The following SHISA9 variants were observed in gnomAD, a reference collection of about 807,000 sequenced individuals.
The protein encoded by SHISA9 is shisa family member 9.
A neutral mutation model predicts 38.0 loss-of-function variants in SHISA9; 13 were observed. The ratio of observed to expected loss-of-function variants is 0.34; its 90% CI spans 0.22 to 0.54. The LOEUF is 0.54. Ranked by LOEUF, SHISA9 falls within the 20% of genes least tolerant of loss-of-function variation. SHISA9 has a pLI of 0.91. For missense variants in SHISA9, 538 were observed against 575.8 expected, an observed-to-expected ratio of 0.93 and a Z score of 0.67; for synonymous variants, 275 against 242.0, an observed-to-expected ratio of 1.14 and a Z score of -1.27.
At chr16:13,370,526 C>A in the SHISA9 span, among the ~76,000 whole-genome samples, 1 of 152,168 alleles carries the variant, frequency 6.6e-6, no homozygotes, top group African/African-American at 2.4e-5. Context: ...CCTGCACCGA[C>A]TTACGAAGGC....
At chr16:13,028,112 C>T (rs2088854) in intron 2 of SHISA9, among the ~76,000 whole-genome samples, 93,335 of 151,504 alleles carry the variant, frequency 0.62, 29,293 homozygotes, top group Middle Eastern at 0.74. Flanking sequence ...TAATGAAAAC[C>T]TTCTATCTCT....
the SHISA9 span, among the ~76,000 whole-genome samples, chr16:13,294,559 C>A: frequency 2.0e-5 from 3 of 152,334 alleles, no homozygotes; most frequent in South Asian, 6.2e-4. Context: ...AATCAAGTCA[C>A]ATGGCCACAT....
chr16:13,111,449 T>C (rs1479424167), intron 2 of SHISA9, among the ~76,000 whole-genome samples: 4 of 152,138 alleles, frequency 2.6e-5, no homozygotes, highest in Non-Finnish European at 5.9e-5. Flanking sequence ...CAGAAGATCA[T>C]TGAATAATTT....
chr16:13,482,801 T>TAAAAA, the SHISA9 span, among the ~76,000 whole-genome samples: 13 of 112,580 alleles, frequency 1.2e-4, no homozygotes, highest in East Asian at 2.9e-3. Context: ...ATCCTGTCAC[T>TAAAAA]AAAAAAAAAA....
chr16:13,062,048 G>C (rs1372420428), intron 2 of SHISA9, among the ~76,000 whole-genome samples: 1 of 152,286 alleles, frequency 6.6e-6, no homozygotes, highest in African/African-American at 2.4e-5. Context: ...TTCCAGCTCC[G>C]ATTATTTTTA....
intron 2 of SHISA9, among the ~76,000 whole-genome samples, chr16:13,000,611 G>A (rs1437609841): frequency 6.6e-6 from 1 of 152,166 alleles, no homozygotes; most frequent in Non-Finnish European, 1.5e-5. Context: ...TGTAGCAGGA[G>A]CATCCACATC....
At chr16:13,232,468 T>C (rs1184143986) in intron 4 of SHISA9, among the ~76,000 whole-genome samples, 1 of 152,120 alleles carries the variant, frequency 6.6e-6, no homozygotes, top group Non-Finnish European at 1.5e-5. Flanking sequence ...AAAGAAAGTG[T>C]TGATGAAAAA....
chr16:13,071,314 G>C (rs2073511451), intron 2 of SHISA9, among the ~76,000 whole-genome samples: 1 of 152,296 alleles, frequency 6.6e-6, no homozygotes, highest in African/African-American at 2.4e-5. Flanking sequence ...TAGCAGGGTG[G>C]TTTTGAGCAC....
At chr16:13,342,939 A>G in the SHISA9 span, among the ~76,000 whole-genome samples, 2 of 152,206 alleles carry the variant, frequency 1.3e-5, no homozygotes, top group Non-Finnish European at 2.9e-5. Context: ...ACGTTTTCCT[A>G]TTGAAATTGC....
the SHISA9 span, among the ~76,000 whole-genome samples, chr16:13,457,320 A>G: frequency 6.6e-6 from 1 of 151,562 alleles, no homozygotes; most frequent in African/African-American, 2.4e-5. Context: ...CAAACAAACA[A>G]ACAGCTTTTG....
At chr16:13,229,168 T>C (rs142403128) in intron 4 of SHISA9, among the ~76,000 whole-genome samples, 2 of 152,106 alleles carry the variant, frequency 1.3e-5, no homozygotes, top group African/African-American at 4.8e-5. Flanking sequence ...TCAAAAAAAA[T>C]TTGACTGAGT....
At chr16:13,152,250 A>C (rs1022917533) in intron 2 of SHISA9, among the ~76,000 whole-genome samples, 4 of 152,030 alleles carry the variant, frequency 2.6e-5, no homozygotes, top group Non-Finnish European at 5.9e-5. Context: ...TTTTTTCCCC[A>C]AAAATAAATC....
At chr16:13,024,905 T>C (rs1037647105) in intron 2 of SHISA9, among the ~76,000 whole-genome samples, 1 of 152,128 alleles carries the variant, frequency 6.6e-6, no homozygotes, top group Non-Finnish European at 1.5e-5. Flanking sequence ...GGATCTCAAT[T>C]GCCAATAACA....
At chr16:12,905,122 CTG>C (rs1343700333) in intron 1 of SHISA9, among the ~76,000 whole-genome samples, 1 of 152,176 alleles carries the variant, frequency 6.6e-6, no homozygotes, top group African/African-American at 2.4e-5. Flanking sequence ...GAGCCAGGCA[CTG>C]TACTGGGGTG....
chr16:12,943,514 C>T (rs1380916648), intron 2 of SHISA9, among the ~76,000 whole-genome samples: 1 of 152,014 alleles, frequency 6.6e-6, no homozygotes, highest in Non-Finnish European at 1.5e-5. Context: ...TTTTACTTTG[C>T]TGTCTTAAAT....
the SHISA9 span, among the ~76,000 whole-genome samples, chr16:13,426,693 A>G: frequency 6.6e-6 from 1 of 152,236 alleles, no homozygotes; most frequent in Non-Finnish European, 1.5e-5. Flanking sequence ...TAACTTAATA[A>G]AGCTTCTTCA....
the SHISA9 span, among the ~76,000 whole-genome samples, chr16:13,274,424 A>G: frequency 6.6e-6 from 1 of 152,184 alleles, no homozygotes; most frequent in African/African-American, 2.4e-5. Flanking sequence ...CAACTCTTGA[A>G]AAAAATTTTC....
At chr16:13,007,460 G>A (rs182314192) in intron 2 of SHISA9, among the ~76,000 whole-genome samples, 4 of 152,120 alleles carry the variant, frequency 2.6e-5, no homozygotes, top group Admixed American at 2.0e-4. Context: ...GCCTGTGGCC[G>A]CCATATTGGT....
chr16:13,376,833 G>A, the SHISA9 span, among the ~76,000 whole-genome samples: 916 of 152,118 alleles, frequency 6.0e-3, 7 homozygotes, highest in African/African-American at 0.018. Flanking sequence ...GACTACAGGT[G>A]CACACCACTA....
Sources: gnomAD v4.1 joint callset for allele counts (sites outside exome capture counted in the v4.1 genomes callset) on GRCh38, gnomAD v4.1.1 for gene constraint, MANE v1.5 for transcripts, NCBI Gene and HGNC (gene_info 2026-07-23, HGNC 2026-07-21) for gene names.